The following ATRX variants were observed in gnomAD, a reference collection of about 807,000 sequenced individuals.
ATRX encodes ATRX chromatin remodeler.
Under a neutral mutation model 172.6 loss-of-function variants are expected in ATRX, and 12 were observed. The ratio of observed to expected loss-of-function variants is 0.07; its 90% CI spans 0.04 to 0.11. ATRX has a LOEUF of 0.11. ATRX is among the 10% of genes least tolerant of loss of function. The pLI is 1.00. For missense variants in ATRX, 1,368 were observed against 1,767.4 expected, an observed-to-expected ratio of 0.77 and a Z score of 4.05; for synonymous variants, 674 against 594.7, an observed-to-expected ratio of 1.13 and a Z score of -1.94.
chrX:77,640,687 T>C (rs2068612068), intron 15 of ATRX, among the ~76,000 whole-genome samples: 1 of 111,175 alleles, frequency 9.0e-6, no homozygotes, highest in South Asian at 3.9e-4. Flanking sequence ...TCCCCTTGAA[T>C]TGGTGCCTGA....
chrX:77,750,997 C>A (rs2075280456), intron 1 of ATRX, among the ~76,000 whole-genome samples: 1 of 111,882 alleles, frequency 8.9e-6, no homozygotes. Context: ...CATACAGGTA[C>A]ATGTGTCTTT....
intron 19 of ATRX, 43 bp from the exon 20 acceptor site, chrX:77,620,575 A>C: frequency 9.2e-7 from 1 of 1,092,471 alleles, no homozygotes; most frequent in Non-Finnish European, 1.2e-6. Flanking sequence ...ATATATAATA[A>C]AACTGAAAAT....
intron 2 of ATRX, chrX:77,699,656 G>A (rs1010799028): frequency 4.5e-5 from 5 of 111,732 alleles, no homozygotes; most frequent in Admixed American, 1.9e-4. Flanking sequence ...GGAATACTAT[G>A]AACAACTGTG....
intron 5 of ATRX, among the ~76,000 whole-genome samples, chrX:77,696,085 A>T (rs1045355494): frequency 1.8e-5 from 2 of 111,916 alleles, no homozygotes; most frequent in African/African-American, 6.5e-5. Flanking sequence ...AAAGTTTTTT[A>T]AAAAAGATAA....
chrX:77,624,140 C>T (rs2067714480), intron 19 of ATRX, among the ~76,000 whole-genome samples: 1 of 111,224 alleles, frequency 9.0e-6, no homozygotes, highest in African/African-American at 3.3e-5. Flanking sequence ...GCTGAGCGGG[C>T]AGATCACGAG....
intron 19 of ATRX, among the ~76,000 whole-genome samples, chrX:77,621,209 G>A (rs1557099750): frequency 1.8e-5 from 2 of 112,138 alleles, no homozygotes. Flanking sequence ...ACTATGGAAT[G>A]CATTTGTACC....
chrX:77,681,372 CTTTT>C (rs1161803977), intron 9 of ATRX, 144 bp downstream of exon 9: 1 of 552,566 alleles, frequency 1.8e-6, no homozygotes, highest in Non-Finnish European at 2.8e-6. Flanking sequence ...AATAGGGAAA[CTTTT>C]TTTAATAAAC....
At chrX:77,607,574 C>A (rs782181579) in intron 22 of ATRX, among the ~76,000 whole-genome samples, 7 of 108,842 alleles carry the variant, frequency 6.4e-5, no homozygotes, top group Non-Finnish European at 1.3e-4. Flanking sequence ...ATTAGCGGAG[C>A]ATGGTGGTGC....
intron 28 of ATRX, among the ~76,000 whole-genome samples, chrX:77,562,455 T>C (rs193286101): frequency 8.9e-5 from 10 of 112,086 alleles, no homozygotes; most frequent in Admixed American, 5.7e-4. Flanking sequence ...CTAGTTTCTC[T>C]ATATCCTCAC....
intron 25 of ATRX, 58 bp downstream of exon 25, chrX:77,599,353 C>G (rs1041670963): frequency 8.5e-7 from 1 of 1,175,372 alleles, no homozygotes; most frequent in South Asian, 1.8e-5. Context: ...AAAGGACTAA[C>G]GACATGACAT....
intron 1 of ATRX, among the ~76,000 whole-genome samples, chrX:77,734,122 G>A (rs905132381): frequency 1.1e-4 from 12 of 110,578 alleles, no homozygotes; most frequent in African/African-American, 2.6e-4. Context: ...CAGGAGAATC[G>A]CTTGAACCTG....
intron 34 of ATRX, among the ~76,000 whole-genome samples, chrX:77,513,399 C>G (rs1764446739): frequency 9.3e-6 from 1 of 107,914 alleles, no homozygotes; most frequent in African/African-American, 3.4e-5. Flanking sequence ...AAAGCTGCCA[C>G]CGAAAGACAA....
At chrX:77,620,268 T>G (rs2067524271) in intron 20 of ATRX, 127 bp downstream of exon 20, 1 of 704,755 alleles carries the variant, frequency 1.4e-6, no homozygotes, top group Non-Finnish European at 2.1e-6. Flanking sequence ...CAGACTAAGA[T>G]GAACCTATGT....
chrX:77,576,563 T>C (rs1292791432), intron 27 of ATRX, among the ~76,000 whole-genome samples: 2 of 111,396 alleles, frequency 1.8e-5, no homozygotes, highest in African/African-American at 6.5e-5. Context: ...AAGTTACAGA[T>C]AAGGGTAATT....
chrX:77,735,756 C>T (rs1381120562), intron 1 of ATRX, among the ~76,000 whole-genome samples: 2 of 94,595 alleles, frequency 2.1e-5, no homozygotes, highest in Non-Finnish European at 4.2e-5. Context: ...GAGCCGAGAT[C>T]GTGCCACTGC....
rs971839925 is a variant in ATRX at position 77,654,103 on chromosome X, T to A, written c.4312A>T (p.Asn1438Tyr). 7 of 1,205,487 alleles carry A rather than the reference T, an allele frequency of 5.8e-6. No individual in the cohort carries two copies. Among genetic ancestry groups the A allele is most frequent in the Non-Finnish European group, 7.9e-6 (7 of 890,009 alleles). Residue 1438 changes from asparagine to tyrosine, a missense_variant, in exon 14 of 35, where the codon AAC becomes TAC. Asn to Tyr is a moderately radical substitution (Grantham distance 143, BLOSUM62 -2). Transcript: ENST00000373344. ...GTGGTAAATGTCATTATTACCTTGTTTTCACTGGATGAATCTTCTTGAACC... is the reference window on the plus strand; with the variant it reads ...GTGGTAAATGTCATTATTACCTTGTATTCACTGGATGAATCTTCTTGAACC... The part of the protein sequence containing the change: ...IKVQEDSSSE[N>Y]KSNSEEEEEE...
At chrX:77,717,311 T>C (rs1342993823) in intron 1 of ATRX, 68 bp from the exon 2 acceptor site, 26 of 884,798 alleles carry the variant, frequency 2.9e-5, no homozygotes, top group Non-Finnish European at 3.3e-5. Flanking sequence ...TGTAAAGCTC[T>C]AGCAAACTGA....
At chrX:77,515,407 A>C (rs375369353) in intron 34 of ATRX, among the ~76,000 whole-genome samples, 13 of 111,185 alleles carry the variant, frequency 1.2e-4, no homozygotes, top group African/African-American at 3.6e-4. Context: ...AAAATAAAGA[A>C]AAAGTTCAGG....
At chrX:77,630,686 T>C (rs2068067653) in intron 19 of ATRX, among the ~76,000 whole-genome samples, 1 of 111,543 alleles carries the variant, frequency 9.0e-6, no homozygotes, top group South Asian at 3.7e-4. Context: ...GATATCAAAA[T>C]ACAAAAAATG....
Sources: allele counts gnomAD v4.1 joint callset (sites outside exome capture counted in the v4.1 genomes callset), GRCh38; gene constraint gnomAD v4.1.1; transcripts MANE v1.5; gene names NCBI Gene and HGNC (gene_info 2026-07-23, HGNC 2026-07-21).